UBE2D2: variants seen among roughly 807,000 people sequenced by gnomAD.
UBE2D2 encodes ubiquitin conjugating enzyme E2 D2.
UBE2D2 carries 2 observed loss-of-function variants against 24.2 expected under a neutral mutation model. The observed-to-expected ratio is 0.08, with a 90% CI of 0.03 to 0.26. The LOEUF (loss-of-function observed/expected upper bound fraction) is 0.26. Ranked by LOEUF, UBE2D2 falls within the 10% of genes least tolerant of loss-of-function variation. UBE2D2 has a pLI of 1.00. For missense variants in UBE2D2, 44 were observed against 177.6 expected, an observed-to-expected ratio of 0.25 and a Z score of 4.28; for synonymous variants, 58 against 56.5, an observed-to-expected ratio of 1.03 and a Z score of -0.12.
At chr5:139,607,649 A>G (rs989983721) in intron 2 of UBE2D2, among the ~76,000 whole-genome samples, 6 of 152,196 alleles carry the variant, frequency 3.9e-5, no homozygotes, top group African/African-American at 1.4e-4. Context: ...TGATCTACTA[A>G]ATTAAATAGA....
intron 1 of UBE2D2, among the ~76,000 whole-genome samples, chr5:139,527,967 G>A (rs1317560782): frequency 6.6e-6 from 1 of 152,192 alleles, no homozygotes; most frequent in Non-Finnish European, 1.5e-5. Context: ...ACCAGGCGTG[G>A]ACTGCATGGT....
At chr5:139,592,075 G>A (rs747620485) in intron 1 of UBE2D2, among the ~76,000 whole-genome samples, 7 of 152,086 alleles carry the variant, frequency 4.6e-5, no homozygotes, top group South Asian at 4.1e-4. Context: ...GGTGGCGGGC[G>A]CCTGTAATCC....
intron 1 of UBE2D2, among the ~76,000 whole-genome samples, chr5:139,552,391 C>T (rs539717588): frequency 1.2e-4 from 19 of 152,088 alleles, no homozygotes; most frequent in Non-Finnish European, 2.6e-4. Flanking sequence ...TGGTCTCGAA[C>T]TCCTGACCTC....
At chr5:139,604,140 CTTTT>C (rs558742235) in intron 2 of UBE2D2, among the ~76,000 whole-genome samples, 3 of 140,328 alleles carry the variant, frequency 2.1e-5, no homozygotes, top group Non-Finnish European at 3.1e-5. Flanking sequence ...ATTTTTAAAA[CTTTT>C]TTTTTTTTTT....
At chr5:139,557,684 C>A (rs974642991), upstream of UBE2D2, among the ~76,000 whole-genome samples, 1 of 152,032 alleles carries the variant, frequency 6.6e-6, no homozygotes, top group African/African-American at 2.4e-5. Context: ...GAGACGGAGA[C>A]TGCAGTGAGC....
chr5:139,536,693 T>C lies in UBE2D2; in HGVS notation c.-64+10081T>C, dbSNP rs548461072. Among the ~76,000 whole-genome samples the C allele has an allele frequency of 8.5e-5, 13 of 152,108 alleles. No individual in the cohort carries two copies. In the East Asian group the frequency reaches 2.5e-3, roughly 30 times the overall value. ...TTAGTAGAGGCTGTGTTTCACCCTG[T>C]TGGCCAGGCTGGTCTCCAACTCCTG... On this transcript the variant is annotated intron_variant, in intron 1 of 6. Coordinates refer to the UBE2D2 transcript ENST00000511725.
At chr5:139,613,894 T>TGG (rs1329989690) in intron 2 of UBE2D2, among the ~76,000 whole-genome samples, 5 of 152,084 alleles carry the variant, frequency 3.3e-5, no homozygotes, top group East Asian at 3.9e-4. Flanking sequence ...AAACCTTGTC[T>TGG]CTACTAAAAA....
intron 1 of UBE2D2, among the ~76,000 whole-genome samples, chr5:139,548,163 C>CAAAAAAA (rs749269739): frequency 2.1e-4 from 7 of 32,948 alleles, no homozygotes; most frequent in South Asian, 1.1e-3. Flanking sequence ...GACTCCGTCT[C>CAAAAAAA]AAAAAAAAAA....
chr5:139,538,656 AG>A (rs1162494128), intron 1 of UBE2D2, among the ~76,000 whole-genome samples: 5 of 152,106 alleles, frequency 3.3e-5, no homozygotes, highest in African/African-American at 1.2e-4. Context: ...AGATCACCTG[AG>A]GTCAGGAGTT....
intron 1 of UBE2D2, among the ~76,000 whole-genome samples, chr5:139,547,469 C>T (rs1752848842): frequency 6.6e-6 from 1 of 151,974 alleles, no homozygotes; most frequent in Admixed American, 6.6e-5. Flanking sequence ...CCAGCTCAAC[C>T]TCCCAAAGTG....
chr5:139,596,174 G>C (rs1444624969), intron 1 of UBE2D2, among the ~76,000 whole-genome samples: 2 of 151,912 alleles, frequency 1.3e-5, no homozygotes, highest in Admixed American at 6.6e-5. Flanking sequence ...TTACAGGTAT[G>C]AGCCCCTGTG....
At chr5:139,533,497 A>G (rs1752624576) in intron 1 of UBE2D2, among the ~76,000 whole-genome samples, 1 of 151,868 alleles carries the variant, frequency 6.6e-6, no homozygotes, top group Non-Finnish European at 1.5e-5. Flanking sequence ...TAAAAATACA[A>G]AAATTAGCTG....
chr5:139,586,252 G>A (rs1002260603), intron 1 of UBE2D2, among the ~76,000 whole-genome samples: 2 of 150,978 alleles, frequency 1.3e-5, no homozygotes, highest in South Asian at 2.1e-4. Context: ...AACTTTAAAC[G>A]TGGTAGGCAA....
chr5:139,530,987 T>C (rs954677188), intron 1 of UBE2D2, among the ~76,000 whole-genome samples: 3 of 152,144 alleles, frequency 2.0e-5, no homozygotes, highest in Non-Finnish European at 4.4e-5. Context: ...AAGCATACTA[T>C]GTAAATCACT....
intron 1 of UBE2D2, among the ~76,000 whole-genome samples, chr5:139,573,234 G>A (rs950004428): frequency 6.6e-6 from 1 of 150,950 alleles, no homozygotes; most frequent in Non-Finnish European, 1.5e-5. Flanking sequence ...CCTGGGAGGC[G>A]GAACTTGCAG....
intron 1 of UBE2D2, among the ~76,000 whole-genome samples, chr5:139,592,479 G>C (rs1384178044): frequency 6.6e-5 from 10 of 152,056 alleles, no homozygotes; most frequent in Non-Finnish European, 5.9e-5. Flanking sequence ...TAGTTGTGGG[G>C]TAGAGCCTGT....
intron 1 of UBE2D2, among the ~76,000 whole-genome samples, chr5:139,529,434 G>A (rs1259464086): frequency 6.6e-6 from 1 of 152,184 alleles, no homozygotes; most frequent in Non-Finnish European, 1.5e-5. Flanking sequence ...TGGAAAAAAA[G>A]TTACACAGCA....
At chr5:139,570,763 G>A (rs889241142) in intron 1 of UBE2D2, among the ~76,000 whole-genome samples, 12 of 151,982 alleles carry the variant, frequency 7.9e-5, no homozygotes, top group Admixed American at 5.2e-4. Context: ...CACCCACCTC[G>A]GCTGGTTTGG....
intron 2 of UBE2D2, among the ~76,000 whole-genome samples, chr5:139,614,061 C>CAAAA (rs34610126): frequency 1.1e-5 from 1 of 89,220 alleles, no homozygotes; most frequent in Non-Finnish European, 2.4e-5. Flanking sequence ...GACTCTGTCT[C>CAAAA]AAAAAAAAAA....
Sources: allele counts gnomAD v4.1 joint callset (sites outside exome capture counted in the v4.1 genomes callset), GRCh38; gene constraint gnomAD v4.1.1; transcripts MANE v1.5; gene names NCBI Gene and HGNC (gene_info 2026-07-23, HGNC 2026-07-21).